MIGA1: variants seen among roughly 807,000 people sequenced by gnomAD.
The protein encoded by MIGA1 is family with sequence similarity 73, member A.
MIGA1 carries 58 observed loss-of-function variants against 82.0 expected under a neutral mutation model. That is an observed-to-expected ratio of 0.71 (90% CI 0.57 to 0.88). MIGA1 has a LOEUF of 0.88. Ranked by LOEUF, MIGA1 falls within the 40% of genes least tolerant of loss-of-function variation. MIGA1 has a pLI of 0.00. For missense variants in MIGA1, 751 were observed against 749.1 expected, an observed-to-expected ratio of 1.00 and a Z score of -0.03; for synonymous variants, 249 against 253.6, an observed-to-expected ratio of 0.98 and a Z score of 0.17.
intron 7 of MIGA1, among the ~76,000 whole-genome samples, chr1:77,836,742 A>T (rs1417359755): frequency 6.6e-6 from 1 of 152,132 alleles, no homozygotes; most frequent in Non-Finnish European, 1.5e-5. Flanking sequence ...TACCCATTAC[A>T]TTACTGTATG....
At chr1:77,852,081 C>T (rs1030408184) in intron 8 of MIGA1, among the ~76,000 whole-genome samples, 6 of 151,862 alleles carry the variant, frequency 4.0e-5, no homozygotes, top group East Asian at 3.9e-4. Context: ...GATGGGGTTT[C>T]GCCATCATGG....
chr1:77,825,911 C>A (rs1039622138), intron 7 of MIGA1, among the ~76,000 whole-genome samples: 1 of 152,068 alleles, frequency 6.6e-6, no homozygotes, highest in Non-Finnish European at 1.5e-5. Flanking sequence ...ATTAAGCAAG[C>A]CTTGACTTTG....
At chr1:77,783,106 C>G in intron 1 of MIGA1, 132 bp from the exon 2 acceptor site, 1 of 513,826 alleles carries the variant, frequency 1.9e-6, no homozygotes, top group Non-Finnish European at 3.2e-6. Flanking sequence ...ATAATTTTAG[C>G]TCAAGTGTAA....
Position 77,801,467 on chromosome 1 carries a change from A to C in MIGA1, c.332A>C (p.His111Pro), listed in dbSNP as rs1360760634. 6.2e-7 allele frequency: 1 copy of C among 1,606,150 alleles called. No homozygotes were observed. The highest frequency in any genetic ancestry group is 2.2e-5 in the East Asian group (1 of 44,524). Residue 111 changes from histidine to proline, a missense_variant, in exon 3 of 16, where the codon CAC becomes CCC. His to Pro is a moderately conservative substitution (Grantham distance 77). Coordinates refer to ENST00000370791, the MANE Select transcript of MIGA1 (RefSeq NM_198549.4). ...AAAATATTACCATGGGAACCAGAGC[A>C]CCTCATACTTGAATACACTAAAAGA...
chr1:77,845,287 G>A (rs997696401), intron 8 of MIGA1, among the ~76,000 whole-genome samples: 1 of 151,990 alleles, frequency 6.6e-6, no homozygotes, highest in Admixed American at 6.6e-5. Flanking sequence ...TCCTTTTACT[G>A]TTCATTATAT....
At chr1:77,809,736 G>T (rs1570944790) in intron 5 of MIGA1, among the ~76,000 whole-genome samples, 1 of 148,612 alleles carries the variant, frequency 6.7e-6, no homozygotes, top group African/African-American at 2.5e-5. Flanking sequence ...GATATAATTG[G>T]TTTTTATGTG....
intron 14 of MIGA1, among the ~76,000 whole-genome samples, chr1:77,866,816 T>C (rs1045584204): frequency 6.6e-5 from 10 of 151,930 alleles, no homozygotes; most frequent in African/African-American, 1.9e-4. Flanking sequence ...CCCAAGTAGC[T>C]GGGACCGTAG....
chr1:77,792,647 T>A (rs1682474977), intron 2 of MIGA1, among the ~76,000 whole-genome samples: 1 of 152,186 alleles, frequency 6.6e-6, no homozygotes, highest in Non-Finnish European at 1.5e-5. Context: ...CTCACTGTGG[T>A]CTTAATTTGC....
chr1:77,796,503 A>G (rs1354270190), intron 2 of MIGA1, among the ~76,000 whole-genome samples: 4 of 151,666 alleles, frequency 2.6e-5, no homozygotes, highest in Non-Finnish European at 4.4e-5. Flanking sequence ...GCTCACTGCA[A>G]CCTCGAACCC....
At chr1:77,790,718 CT>C (rs1158180530) in intron 2 of MIGA1, among the ~76,000 whole-genome samples, 1 of 151,864 alleles carries the variant, frequency 6.6e-6, no homozygotes. Flanking sequence ...CCATGAGTAG[CT>C]GAGATTACAG....
intron 6 of MIGA1, among the ~76,000 whole-genome samples, chr1:77,814,501 A>G (rs1013739110): frequency 1.2e-4 from 19 of 152,136 alleles, no homozygotes; most frequent in African/African-American, 4.8e-5. Flanking sequence ...GGCTCAATCA[A>G]TTCTTCTGCC....
At chr1:77,844,639 A>AT (rs1193524357) in intron 8 of MIGA1, among the ~76,000 whole-genome samples, 2 of 152,052 alleles carry the variant, frequency 1.3e-5, no homozygotes, top group African/African-American at 4.8e-5. Context: ...TTTACAGTAG[A>AT]TTTTGGATAT....
In MIGA1 at chr1:77,816,224, G is replaced by A. The variant is rs557970616; in HGVS notation, c.895+993G>A. ...CTCCCAAAGTGCTGGGATTACAGGCGTGGACCACCATGCCTGGCCAAGGTG... is the reference window on the plus strand; with the variant it reads ...CTCCCAAAGTGCTGGGATTACAGGCATGGACCACCATGCCTGGCCAAGGTG... On this transcript the variant is annotated intron_variant, in intron 7 of 15. Coordinates refer to ENST00000370791, the MANE Select transcript of MIGA1 (RefSeq NM_198549.4). Among the ~76,000 whole-genome samples, 14 of 152,254 alleles carry A rather than the reference G, an allele frequency of 9.2e-5. No homozygotes were observed. In the South Asian group the frequency reaches 2.9e-3, roughly 32 times the overall value.
rs766194564 is a variant in MIGA1, at chr1:77,857,726, G to GTTT, written c.997-1197_997-1195dup. Among the ~76,000 whole-genome samples the GTTT allele has an allele frequency of 5.0e-3, 560 of 110,928 alleles. 14 individuals are homozygous for GTTT. Among genetic ancestry groups the GTTT allele is most frequent in the African/African-American group, 0.017 (506 of 29,648 alleles). The allele number at this position is 110,928 out of a possible 152,430, so 72.8% of individuals were successfully genotyped here. ...TTTTCTAGAAGTTTTCTGGGTTGTTGTTTTTTTTTTTTTTTTTGCTTAGCT... is the reference window on the plus strand; with the variant it reads ...TTTTCTAGAAGTTTTCTGGGTTGTTGTTTTTTTTTTTTTTTTTTTTGCTTAGCT... On this transcript the variant is annotated intron_variant, in intron 8 of 15. Coordinates refer to ENST00000370791, the MANE Select transcript of MIGA1 (RefSeq NM_198549.4).
rs781043118 is a variant in MIGA1 at position 77,875,030 on chromosome 1, T to G, written c.1865T>G (p.Met622Arg). ...TGTCTAAGCAGTCATGGTCATGTTA[T>G]GTCCACTGGGCTACTGGAAGCCAAA... The change falls in exon 16 of 16, where the codon ATG becomes AGG. Residue 622 changes from methionine (M) to arginine (R), a missense_variant. Coordinates refer to ENST00000370791, the MANE Select transcript of MIGA1 (RefSeq NM_198549.4). The G allele has an allele frequency of 1.9e-6, 3 of 1,614,176 alleles. No homozygotes were observed. Among genetic ancestry groups the G allele is most frequent in the Non-Finnish European group, 8.5e-7 (1 of 1,180,004 alleles).
intron 8 of MIGA1, among the ~76,000 whole-genome samples, chr1:77,844,137 T>G (rs1319052103): frequency 3.2e-5 from 3 of 93,794 alleles, no homozygotes; most frequent in African/African-American, 1.3e-4. Context: ...TATATATATA[T>G]AGATAGATAG....
intron 7 of MIGA1, among the ~76,000 whole-genome samples, chr1:77,830,429 T>A (rs1204894119): frequency 6.6e-6 from 1 of 152,216 alleles, no homozygotes; most frequent in Non-Finnish European, 1.5e-5. Context: ...ATTTGAATAT[T>A]AACAACTCTT....
chr1:77,811,059 A>G lies in MIGA1; in HGVS notation c.638-2675A>G, dbSNP rs1443467236. On this transcript the variant is annotated intron_variant, in intron 5 of 15. Coordinates refer to ENST00000370791, the MANE Select transcript of MIGA1 (RefSeq NM_198549.4). ...TTTTAGGCTTGTAGGGTTTGAATTC[A>G]AAGAAGATAGCTGCACCTTTGGTTA... 3 of 1,613,406 alleles carry G rather than the reference A, an allele frequency of 1.9e-6. No homozygotes were observed. The African/African-American group carries it at 4.0e-5, about 22-fold the overall frequency.
chr1:77,847,528 A>G, intron 8 of MIGA1: 1 of 1,456,882 alleles, frequency 6.9e-7, no homozygotes, highest in Non-Finnish European at 9.6e-7. Context: ...AGAGAAAGAG[A>G]AATGGAAAAG....
Sources: allele counts gnomAD v4.1 joint callset (sites outside exome capture counted in the v4.1 genomes callset), GRCh38; gene constraint gnomAD v4.1.1; transcripts MANE v1.5; gene names NCBI Gene and HGNC (gene_info 2026-07-23, HGNC 2026-07-21).